The following THBS4 variants were observed in gnomAD, a reference collection of about 807,000 sequenced individuals.
THBS4 encodes the protein thrombospondin 4.
A neutral mutation model predicts 115.7 loss-of-function variants in THBS4; 90 were observed. The ratio of observed to expected loss-of-function variants is 0.78; its 90% CI spans 0.66 to 0.93. The LOEUF (loss-of-function observed/expected upper bound fraction) is 0.93. Ranked by LOEUF, THBS4 falls within the 40% of genes least tolerant of loss-of-function variation. THBS4 has a pLI of 0.00. For missense variants in THBS4, 1,087 were observed against 1,232.7 expected, an observed-to-expected ratio of 0.88 and a Z score of 1.77; for synonymous variants, 460 against 479.3, an observed-to-expected ratio of 0.96 and a Z score of 0.53.
At chr5:80,065,985 C>A (rs916257136) in intron 9 of THBS4, among the ~76,000 whole-genome samples, 44 of 151,726 alleles carry the variant, frequency 2.9e-4, no homozygotes, top group African/African-American at 1.0e-3. Context: ...GTCCCAGCTA[C>A]TCTGGAGGCT....
chr5:80,069,563 G>A (rs1443634751), intron 10 of THBS4, among the ~76,000 whole-genome samples: 4 of 152,222 alleles, frequency 2.6e-5, no homozygotes, highest in Non-Finnish European at 2.9e-5. Flanking sequence ...AAGGCACAAC[G>A]ACAGATGGTA....
At chr5:80,037,411 A>G (rs1832752318) in intron 1 of THBS4, among the ~76,000 whole-genome samples, 1 of 152,202 alleles carries the variant, frequency 6.6e-6, no homozygotes, top group Admixed American at 6.5e-5. Flanking sequence ...AAATTAGTAT[A>G]TATTCAATTT....
chr5:80,055,548 A>G (rs1833394438), intron 2 of THBS4, among the ~76,000 whole-genome samples: 1 of 151,424 alleles, frequency 6.6e-6, no homozygotes, highest in African/African-American at 2.4e-5. Flanking sequence ...CTGTTTCTCC[A>G]TCAACACAAA....
chr5:80,079,245 G>A lies in THBS4; in HGVS notation c.2498G>A (p.Gly833Asp), dbSNP rs747893187. 6.2e-7 allele frequency: 1 copy of A among 1,610,416 alleles called. No individual in the cohort carries two copies. Among genetic ancestry groups the A allele is most frequent in the Non-Finnish European group, 8.5e-7 (1 of 1,177,904 alleles). Reference protein sequence around the residue: ...ATPFRAVAEPGIQLKAVKSKT... With the variant: ...ATPFRAVAEPDIQLKAVKSKT... ...CCATTCCGAGCAGTTGCAGAACCTGGCATTCAGCTCAAGGTATTGGTGGTT... is the reference window on the plus strand; with the variant it reads ...CCATTCCGAGCAGTTGCAGAACCTGACATTCAGCTCAAGGTATTGGTGGTT... The change falls in exon 19 of 22, where the codon GGC (glycine) becomes GAC (aspartate). Residue 833 changes from glycine (G) to aspartate (D), a missense_variant. Gly to Asp is a moderately conservative substitution (Grantham distance 94, BLOSUM62 -1). Around this residue, in one of 3 missense-constraint regions of THBS4, gnomAD observed 979 missense variants for 1,103.7 expected, o/e 0.89. Coordinates refer to ENST00000350881, the MANE Select transcript of THBS4 (RefSeq NM_003248.6).
At chr5:80,021,014 G>A (rs1424900782) in intron 2 of THBS4, among the ~76,000 whole-genome samples, 2 of 152,138 alleles carry the variant, frequency 1.3e-5, no homozygotes, top group African/African-American at 4.8e-5. Flanking sequence ...TAACACAAGA[G>A]TTCAAGTTTC....
intron 2 of THBS4, among the ~76,000 whole-genome samples, chr5:80,010,441 C>A (rs1395634464): frequency 6.6e-6 from 1 of 152,194 alleles, no homozygotes; most frequent in Non-Finnish European, 1.5e-5. Flanking sequence ...TACTTTGACC[C>A]AAGTACTTTC....
At chr5:80,068,224 A>G in intron 10 of THBS4, 99 bp downstream of exon 10, 2 of 1,421,124 alleles carry the variant, frequency 1.4e-6, no homozygotes, top group Admixed American at 2.0e-5. Context: ...GTACTCCAAA[A>G]TGAAAGCATT....
intron 2 of THBS4, among the ~76,000 whole-genome samples, chr5:80,020,086 T>C (rs899149817): frequency 6.6e-5 from 10 of 152,222 alleles, no homozygotes; most frequent in Non-Finnish European, 1.5e-4. Context: ...TAAAGTCCAG[T>C]TGGATTCTAG....
rs17885353 is a variant in THBS4, at chr5:80,061,294, G to A, written c.988-401G>A. On this transcript the variant is annotated intron_variant, in intron 7 of 21. Transcript: ENST00000350881. ...GCACCGGCCCTGGCTTTGCCTTCTCGAGGTCTTTCTGATTGAGTAGTTGGT... is the reference window on the plus strand; with the variant it reads ...GCACCGGCCCTGGCTTTGCCTTCTCAAGGTCTTTCTGATTGAGTAGTTGGT... 1.1e-3 allele frequency among the ~76,000 whole-genome samples: 162 copies of A among 152,224 alleles called. 1 individual carries two copies. In the East Asian group the frequency reaches 0.025, roughly 24 times the overall value.
intron 16 of THBS4, 93 bp from the exon 17 acceptor site, chr5:80,077,956 C>T: frequency 9.1e-7 from 1 of 1,104,534 alleles, no homozygotes; most frequent in Non-Finnish European, 1.2e-6. Flanking sequence ...GGAGCTTGAG[C>T]CCTTCTGTTC....
At chr5:80,030,795 C>T (rs1361662748), upstream of THBS4, among the ~76,000 whole-genome samples, 1 of 152,214 alleles carries the variant, frequency 6.6e-6, no homozygotes. Flanking sequence ...CATGAGCCTC[C>T]ATGCCTGGCC....
intron 16 of THBS4, 47 bp downstream of exon 16, chr5:80,077,095 C>A: frequency 6.8e-7 from 1 of 1,474,554 alleles, no homozygotes; most frequent in Non-Finnish European, 9.1e-7. Flanking sequence ...GGGCTCCCTT[C>A]AGCCAGGCAC....
Position 80,079,960 on chromosome 5 carries a change from CGGG to C in THBS4, c.2570_2572del (p.Gly857del). On this transcript the variant is annotated inframe_deletion, in exon 20 of 22. Coordinates refer to ENST00000350881, the MANE Select transcript of THBS4 (RefSeq NM_003248.6). The stretch of plus-strand genomic sequence containing the variant: ...CATCTCCGGAACTCCCTGTGGCACA[CGGG>C]GGACACCAGTGACCAGGTCAGGCTG... The C allele has an allele frequency of 6.2e-7, 1 of 1,613,912 alleles. No individual in the cohort carries two copies. The highest frequency in any genetic ancestry group is 1.1e-5 in the South Asian group (1 of 91,064).
upstream of THBS4, among the ~76,000 whole-genome samples, chr5:80,033,792 A>G (rs1321874980): frequency 6.6e-6 from 1 of 152,146 alleles, no homozygotes; most frequent in East Asian, 1.9e-4. Context: ...GATATAGCAT[A>G]TTGCTGCTTT....
Position 80,077,020 on chromosome 5 carries a change from C to A in THBS4, c.2058C>A (p.Val686=), listed in dbSNP as rs1481132361. Residue 686 remains valine (V), a synonymous_variant, in exon 16 of 22, where the codon GTC becomes GTA. Transcript: ENST00000350881. ...CTGGACCAGACAACTGCCGGCTGGT[C>A]CCCAACCCAGCCCAGGAGGATAGCA... ...VPPGPDNCRL[V]PNPAQEDSNS... 1 of 1,609,764 alleles carries A rather than the reference C, an allele frequency of 6.2e-7. No individual in the cohort carries two copies. The highest frequency in any genetic ancestry group is 2.2e-5 in the East Asian group (1 of 44,722).
In THBS4 at chr5:80,058,287, A is replaced by T. The variant is rs151176433; in HGVS notation, c.622A>T (p.Ser208Cys). Residue 208 changes from serine (S) to cysteine (C), a missense_variant, in exon 4 of 22, where the codon AGT becomes TGT. This residue lies in a region of THBS4 where 979 missense variants were observed against 1,103.7 expected (regional missense o/e 0.89). Transcript: ENST00000350881. ...CCTGCAAGACTGCTTCCTGCAGCAG[A>T]GTGAGCCACTGGCTGCCACAGGCAC... ...ASLQDCFLQQ[S>C]EPLAATGTGD... 1.1e-4 allele frequency: 170 copies of T among 1,567,904 alleles called. No homozygotes were observed. The highest frequency in any genetic ancestry group is 3.3e-4 in the Middle Eastern group (2 of 6,030).
chr5:80,032,481 G>C (rs557711498), upstream of THBS4, among the ~76,000 whole-genome samples: 1 of 152,286 alleles, frequency 6.6e-6, no homozygotes, highest in African/African-American at 2.4e-5. Context: ...ACGATCACAA[G>C]ATGAAGTCCC....
At chr5:80,063,382 A>AT (rs956200697) in intron 8 of THBS4, among the ~76,000 whole-genome samples, 2 of 151,620 alleles carry the variant, frequency 1.3e-5, no homozygotes, top group African/African-American at 2.4e-5. Context: ...GGGTTGTTTG[A>AT]TTTTTTTCCT....
In THBS4 at chr5:80,040,193, A is replaced by G. The variant is rs572372132; in HGVS notation, c.205A>G (p.Lys69Glu). The G allele has an allele frequency of 6.8e-6, 11 of 1,614,194 alleles. No individual in the cohort carries two copies. In the South Asian group the frequency reaches 1.2e-4, roughly 18 times the overall value. Residue 69 changes from lysine (K) to glutamate (E), a missense_variant, in exon 2 of 22, where the codon AAA becomes GAA. Physicochemically the swap from Lys to Glu is moderately conservative, Grantham distance 56 (BLOSUM62 1). Coordinates refer to ENST00000350881, the MANE Select transcript of THBS4 (RefSeq NM_003248.6). ...GATTTCCACCTTCAAGCTGCAGACTAAAAGTTCAGCCACCATCTTCGGTCT... is the reference window on the plus strand; with the variant it reads ...GATTTCCACCTTCAAGCTGCAGACTGAAAGTTCAGCCACCATCTTCGGTCT... ...YVISTFKLQT[K>E]SSATIFGLYS...
Sources: allele counts gnomAD v4.1 joint callset (sites outside exome capture counted in the v4.1 genomes callset), GRCh38; gene constraint gnomAD v4.1.1; regional missense constraint gnomAD v4.1.1; transcripts MANE v1.5; gene names NCBI Gene and HGNC (gene_info 2026-07-23, HGNC 2026-07-21).